Variants in ATXN1 observed in about 807,000 individuals in gnomAD.
ATXN1 encodes the protein ataxin 1, also known as ataxin-1.
ATXN1 carries 8 observed loss-of-function variants against 56.4 expected under a neutral mutation model. The observed-to-expected ratio is 0.14, with a 90% CI of 0.08 to 0.26. ATXN1 has a LOEUF of 0.26. Ranked by LOEUF, ATXN1 falls within the 10% of genes least tolerant of loss-of-function variation. The pLI is 1.00. For synonymous variants in ATXN1, 514 were observed against 494.6 expected, an observed-to-expected ratio of 1.04 and a Z score of -0.52; for missense variants, 987 against 1,106.5, an observed-to-expected ratio of 0.89 and a Z score of 1.53.
intron 6 of ATXN1, among the ~76,000 whole-genome samples, chr6:16,418,134 G>A (rs553974541): frequency 1.3e-5 from 2 of 152,290 alleles, no homozygotes; most frequent in South Asian, 4.2e-4. Context: ...AAAGATATTT[G>A]GCACATAATA....
At chr6:16,490,912 T>C (rs771263593) in intron 5 of ATXN1, among the ~76,000 whole-genome samples, 21 of 152,134 alleles carry the variant, frequency 1.4e-4, no homozygotes, top group Non-Finnish European at 2.2e-4. Context: ...TCTTTCCTAG[T>C]GAGACCACGG....
chr6:16,332,138 A>T (rs1011763388), intron 6 of ATXN1, among the ~76,000 whole-genome samples: 1 of 152,186 alleles, frequency 6.6e-6, no homozygotes, highest in Admixed American at 6.5e-5. Flanking sequence ...CTCCTCCTAC[A>T]TTTAGGGCTA....
chr6:16,739,467 T>C (rs1760255994), intron 2 of ATXN1: 1 of 229,410 alleles, frequency 4.4e-6, no homozygotes, highest in African/African-American at 2.2e-5. Flanking sequence ...CTCCAGGTCA[T>C]CCCAGGACTA....
At chr6:16,704,728 G>T (rs7749341) in intron 2 of ATXN1, among the ~76,000 whole-genome samples, 63,768 of 151,952 alleles carry the variant, frequency 0.42, 15,007 homozygotes, top group South Asian at 0.53. Flanking sequence ...CTGCTGGAAT[G>T]CAAGTGTGAT....
At chr6:16,581,650 C>A (rs1235502912) in intron 4 of ATXN1, among the ~76,000 whole-genome samples, 1 of 151,896 alleles carries the variant, frequency 6.6e-6, no homozygotes, top group African/African-American at 2.4e-5. Context: ...AGATCTGGAA[C>A]CTAAAATCTG....
intron 6 of ATXN1, among the ~76,000 whole-genome samples, chr6:16,409,392 C>T (rs1381066627): frequency 2.0e-5 from 3 of 152,050 alleles, no homozygotes; most frequent in Non-Finnish European, 4.4e-5. Context: ...GTGGCTCATG[C>T]CTCTAATCAA....
At chr6:16,447,270 G>T (rs969605759) in intron 6 of ATXN1, among the ~76,000 whole-genome samples, 5 of 152,092 alleles carry the variant, frequency 3.3e-5, no homozygotes, top group African/African-American at 1.2e-4. Context: ...TGTCACCCAC[G>T]TTAGAGTGCA....
chr6:16,425,396 C>T (rs76120093), intron 6 of ATXN1, among the ~76,000 whole-genome samples: 4,042 of 152,272 alleles, frequency 0.027, 195 homozygotes, highest in African/African-American at 0.092. Context: ...TCTGGGAATG[C>T]TCCCAACATA....
chr6:16,581,231 G>A (rs757475485), intron 4 of ATXN1, among the ~76,000 whole-genome samples: 3 of 140,476 alleles, frequency 2.1e-5, no homozygotes, highest in Admixed American at 7.0e-5. Context: ...GTGTGCGCGC[G>A]TGTGTGTGTG....
chr6:16,409,690 T>A (rs573498635), intron 6 of ATXN1, among the ~76,000 whole-genome samples: 9 of 151,050 alleles, frequency 6.0e-5, no homozygotes, highest in African/African-American at 2.0e-4. Context: ...TTGCCGTTTA[T>A]GCAATTTCAA....
At chr6:16,402,388 C>T (rs951820785) in intron 6 of ATXN1, among the ~76,000 whole-genome samples, 13 of 150,788 alleles carry the variant, frequency 8.6e-5, no homozygotes, top group Non-Finnish European at 1.8e-4. Context: ...AATGTTTTCA[C>T]AAAACAGGGA....
At chr6:16,739,858 G>A in intron 2 of ATXN1, 1 of 456,942 alleles carries the variant, frequency 2.2e-6, no homozygotes, top group South Asian at 1.5e-5. Flanking sequence ...AAGTCCCGGG[G>A]ACTTCCAACG....
chr6:16,760,008 T>C lies in ATXN1; in HGVS notation c.-730+1290A>G, dbSNP rs951106842. Among the ~76,000 whole-genome samples, 5 of 150,250 alleles carry C rather than the reference T, an allele frequency of 3.3e-5. No homozygotes were observed. The highest frequency in any genetic ancestry group is 7.4e-5 in the Non-Finnish European group (5 of 67,328). ...CGCGCGCACAAATACACACACACAG[T>C]CACTCACACACTCACTCACACTCAC... is the stretch of plus-strand genomic sequence containing the variant. On this transcript the variant is annotated intron_variant, in intron 1 of 7. Transcript: ENST00000436367. This position sits in a 1 kb window ranked among gnomAD's most constrained non-coding sequence, Gnocchi z 5.3.
chr6:16,634,889 C>T (rs1763566488), intron 3 of ATXN1, among the ~76,000 whole-genome samples: 1 of 152,140 alleles, frequency 6.6e-6, no homozygotes, highest in Non-Finnish European at 1.5e-5. Context: ...GCTTTCATTA[C>T]CATTGGCATT....
At chr6:16,740,181 G>C (rs190665022) in intron 2 of ATXN1, among the ~76,000 whole-genome samples, 2 of 152,274 alleles carry the variant, frequency 1.3e-5, no homozygotes, top group Admixed American at 1.3e-4. Flanking sequence ...CTTCTGCAAA[G>C]AAAGAAAAGG....
chr6:16,503,570 C>T (rs958376189), intron 5 of ATXN1, among the ~76,000 whole-genome samples: 6 of 152,154 alleles, frequency 3.9e-5, no homozygotes, highest in African/African-American at 9.7e-5. Flanking sequence ...TGGCTCACCA[C>T]GCTGGCTGGT....
At chr6:16,644,563 G>GGTGTGTGTGTGT (rs113345902) in intron 3 of ATXN1, among the ~76,000 whole-genome samples, 49 of 142,922 alleles carry the variant, frequency 3.4e-4, no homozygotes, top group South Asian at 2.0e-3. Flanking sequence ...TAAATTTTAT[G>GGTGTGTGTGTGT]GTGTGTGTGT....
chr6:16,748,154 T>C (rs1760596086), intron 2 of ATXN1, among the ~76,000 whole-genome samples: 1 of 152,074 alleles, frequency 6.6e-6, no homozygotes, highest in South Asian at 2.1e-4. Context: ...TAATAATTAT[T>C]GAAAGTGCAT....
At chr6:16,713,561 A>C (rs543456495) in intron 2 of ATXN1, among the ~76,000 whole-genome samples, 1 of 152,228 alleles carries the variant, frequency 6.6e-6, no homozygotes, top group Non-Finnish European at 1.5e-5. Flanking sequence ...ATCTGAGAAA[A>C]CATAGAGTGG....
Sources: allele counts gnomAD v4.1 joint callset (sites outside exome capture counted in the v4.1 genomes callset), GRCh38; gene constraint gnomAD v4.1.1; non-coding constraint Gnocchi (gnomAD v3.1); transcripts MANE v1.5; gene names NCBI Gene and HGNC (gene_info 2026-07-23, HGNC 2026-07-21).